The following ACACA variants were observed in gnomAD, a reference collection of about 807,000 sequenced individuals.
ACACA encodes acetyl-CoA carboxylase 1.
In ACACA, 103 loss-of-function variants were observed where a neutral mutation model predicts 296.1. The ratio of observed to expected loss-of-function variants is 0.35; its 90% CI spans 0.30 to 0.41. The LOEUF (loss-of-function observed/expected upper bound fraction) is 0.41. Ranked by LOEUF, ACACA falls within the 10% of genes least tolerant of loss-of-function variation. The pLI, the probability that ACACA is intolerant of heterozygous loss-of-function variation, is 1.00. For synonymous variants in ACACA, 953 were observed against 1,038.6 expected (o/e 0.92, Z 1.58); for missense variants, 1,554 against 2,989.7 (o/e 0.52, Z 11.20).
intron 52 of ACACA, among the ~76,000 whole-genome samples, chr17:37,104,238 C>A (rs1041710068): frequency 2.0e-5 from 3 of 152,148 alleles, no homozygotes; most frequent in African/African-American, 7.2e-5. Context: ...AAGAGGGTGA[C>A]CTTGTCTCTT....
intron 1 of ACACA, among the ~76,000 whole-genome samples, chr17:37,394,241 C>T (rs575350164): frequency 1.4e-5 from 2 of 147,832 alleles, no homozygotes; most frequent in East Asian, 2.0e-4. Context: ...GATGCAGTTT[C>T]GCTCTGTTGC....
At chr17:37,375,880 T>A (rs1597734985) in intron 1 of ACACA, 2 of 478,466 alleles carry the variant, frequency 4.2e-6, no homozygotes, top group East Asian at 6.3e-5. Context: ...GAAGTCTGAG[T>A]GAATTATTAA....
chr17:37,182,538 A>G (rs2077365450), intron 39 of ACACA, among the ~76,000 whole-genome samples: 1 of 152,206 alleles, frequency 6.6e-6, no homozygotes, highest in Non-Finnish European at 1.5e-5. Context: ...TTGCTTATGA[A>G]TATTTATAAA....
chr17:37,158,661 G>A (rs1020236797), intron 42 of ACACA, among the ~76,000 whole-genome samples: 3 of 151,978 alleles, frequency 2.0e-5, no homozygotes, highest in African/African-American at 4.8e-5. Flanking sequence ...AAAACAGGAT[G>A]AGATCACCAA....
rs1375062249 is a variant in ACACA, at chr17:37,315,671, G to T, written c.338+14502C>A. 2.0e-5 allele frequency among the ~76,000 whole-genome samples: 3 copies of T among 152,262 alleles called. No individual in the cohort carries two copies. In the East Asian group the frequency reaches 5.8e-4, roughly 29 times the overall value. Reference sequence around the variant, plus strand: ...TTACTTACTATTACTGCTTTATAAAGGATACAACTCAGGAACTCAGGAAGA... The same window carrying T: ...TTACTTACTATTACTGCTTTATAAATGATACAACTCAGGAACTCAGGAAGA... On this transcript the variant is annotated intron_variant, in intron 3 of 55. Transcript: ENST00000616317.
intron 35 of ACACA, among the ~76,000 whole-genome samples, chr17:37,197,742 C>G (rs1405951590): frequency 3.3e-5 from 5 of 152,242 alleles, no homozygotes; most frequent in African/African-American, 1.2e-4. Context: ...GGATGGAGTT[C>G]GGTTTAATAG....
At chr17:37,292,599 T>C (rs1239808895) in intron 3 of ACACA, among the ~76,000 whole-genome samples, 1 of 152,234 alleles carries the variant, frequency 6.6e-6, no homozygotes, top group Non-Finnish European at 1.5e-5. Flanking sequence ...CTCACATCTG[T>C]AATCCCAGCA....
chr17:37,217,734 CAAAAAAAAAAAAAAAAA>C lies in ACACA; in HGVS notation c.3683+3973_3683+3989del, dbSNP rs57846347. 1.4e-4 allele frequency among the ~76,000 whole-genome samples: 4 copies of C among 29,396 alleles called. No homozygotes were observed. The Admixed American group carries it at 2.6e-3, about 19-fold the overall frequency. The allele number at this position is 29,396 out of a possible 152,430, so 19.3% of individuals were successfully genotyped here. On this transcript the variant is annotated intron_variant, in intron 29 of 55. Coordinates refer to ENST00000616317, the MANE Select transcript of ACACA (RefSeq NM_198834.3). ...TGGGCGACAGAGTGAGACTCCATCT[CAAAAAAAAAAAAAAAAA>C]AAAAAAAAAAAAACAACCTGTTTTC...
chr17:37,152,479 C>A (rs1305917630), intron 43 of ACACA, among the ~76,000 whole-genome samples: 3 of 152,164 alleles, frequency 2.0e-5, no homozygotes, highest in South Asian at 4.1e-4. Flanking sequence ...ATACTGAACT[C>A]CCATTCATAC....
intron 3 of ACACA, among the ~76,000 whole-genome samples, chr17:37,321,849 C>A (rs2047372916): frequency 6.7e-6 from 1 of 149,814 alleles, no homozygotes; most frequent in African/African-American, 2.5e-5. Flanking sequence ...GAGGCTGAGG[C>A]AGGAGAATCA....
intron 27 of ACACA, among the ~76,000 whole-genome samples, chr17:37,223,878 ATTC>A (rs2079410624): frequency 6.6e-6 from 1 of 152,228 alleles, no homozygotes; most frequent in South Asian, 2.1e-4. Context: ...TATGACTGTT[ATTC>A]TTTTCTGACA....
intron 43 of ACACA, 105 bp downstream of exon 43, chr17:37,155,578 C>A: frequency 1.2e-6 from 1 of 812,102 alleles, no homozygotes; most frequent in Non-Finnish European, 2.1e-6. Flanking sequence ...ATTATGTCAT[C>A]TTCAATGTTC....
At position 37,213,817 on chromosome 17, in the gene ACACA, G is replaced by A. The variant is rs572774141; in HGVS notation, c.3684-3327C>T. Reference sequence around the variant, plus strand: ...TGAATGCAAAGTCAGAGTTGCCGCTGCTAGCTGAACCCTCTTTAATTTAAA... The same window carrying A: ...TGAATGCAAAGTCAGAGTTGCCGCTACTAGCTGAACCCTCTTTAATTTAAA... On this transcript the variant is annotated intron_variant, in intron 29 of 55. Coordinates refer to ENST00000616317, the MANE Select transcript of ACACA (RefSeq NM_198834.3). 5.5e-4 allele frequency among the ~76,000 whole-genome samples: 83 copies of A among 150,064 alleles called. 1 individual carries two copies. Among genetic ancestry groups the A allele is most frequent in the Admixed American group, 4.8e-3 (73 of 15,090 alleles).
At chr17:37,273,817 A>G (rs1199624661) in intron 9 of ACACA, among the ~76,000 whole-genome samples, 1 of 152,196 alleles carries the variant, frequency 6.6e-6, no homozygotes, top group African/African-American at 2.4e-5. Context: ...TCTGAATTCA[A>G]CCAGTAGAAA....
intron 44 of ACACA, 120 bp from the exon 45 acceptor site, chr17:37,150,094 T>A (rs1597980052): frequency 5.8e-6 from 5 of 859,676 alleles, no homozygotes; most frequent in Non-Finnish European, 9.5e-6. Flanking sequence ...TTATGAAGTC[T>A]ATTTGATTGA....
chr17:37,368,450 G>A (rs572444678), intron 1 of ACACA, among the ~76,000 whole-genome samples: 141 of 151,938 alleles, frequency 9.3e-4, no homozygotes, highest in Non-Finnish European at 1.6e-3. Context: ...GCATGGTGGC[G>A]GGAACCTGTA....
At chr17:37,363,179 CTTTTTTTTTTTT>C (rs902746004) in intron 1 of ACACA, among the ~76,000 whole-genome samples, 1 of 72,850 alleles carries the variant, frequency 1.4e-5, no homozygotes, top group Non-Finnish European at 2.3e-5. Context: ...TTCTCTTTTT[CTTTTTTTTTTTT>C]TTTTTTTTTT....
At chr17:37,250,636 CA>C (rs2080941559) in intron 16 of ACACA, among the ~76,000 whole-genome samples, 2 of 146,596 alleles carry the variant, frequency 1.4e-5, no homozygotes, top group Admixed American at 6.8e-5. Flanking sequence ...GGCTCCATCT[CA>C]AAAAAAAAGA....
At chr17:37,100,481 A>C (rs1051070819) in intron 52 of ACACA, among the ~76,000 whole-genome samples, 1 of 152,178 alleles carries the variant, frequency 6.6e-6, no homozygotes, top group Non-Finnish European at 1.5e-5. Context: ...AACTGAGGAA[A>C]CATGCTACAA....
Sources: gnomAD v4.1 joint callset for allele counts (sites outside exome capture counted in the v4.1 genomes callset) on GRCh38, gnomAD v4.1.1 for gene constraint, MANE v1.5 for transcripts, NCBI Gene and HGNC (gene_info 2026-07-23, HGNC 2026-07-21) for gene names.